Variants in ROBO2 observed in about 807,000 individuals in gnomAD.
ROBO2 encodes roundabout homolog 2.
In ROBO2, 53 loss-of-function variants were observed where a neutral mutation model predicts 160.8. That is an observed-to-expected ratio of 0.33 (90% confidence interval 0.26 to 0.41). The LOEUF (loss-of-function observed/expected upper bound fraction) is 0.41, where lower values mean the gene tolerates loss of function less well. Among genes scored for constraint, ROBO2 ranks in the 10% least tolerant of loss-of-function variants. The probability of loss-of-function intolerance (pLI) is 1.00; values close to 1 mark genes in which losing one functional copy is unlikely to be tolerated. For synonymous variants in ROBO2, 664 were observed against 611.7 expected (o/e 1.09, Z -1.26); for missense variants, 1,577 against 1,722.4 (o/e 0.92, Z 1.49).
At chr3:77,037,577 A>G (rs1578422873), upstream of ROBO2, among the ~76,000 whole-genome samples, 2 of 152,296 alleles carry the variant, frequency 1.3e-5, no homozygotes, top group South Asian at 4.1e-4. Context: ...CTTTCTATGA[A>G]TAGGGCAACA....
intron 2 of ROBO2, among the ~76,000 whole-genome samples, chr3:76,606,147 A>T (rs968457227): frequency 2.0e-5 from 3 of 152,172 alleles, no homozygotes; most frequent in African/African-American, 7.2e-5. Flanking sequence ...TAATTAAAAA[A>T]AAATAAGGGG....
At chr3:77,046,101 C>A (rs962754391) in intron 1 of ROBO2, among the ~76,000 whole-genome samples, 5 of 152,148 alleles carry the variant, frequency 3.3e-5, no homozygotes, top group African/African-American at 7.2e-5. Flanking sequence ...CATATGTCTT[C>A]ATTTAACCTG....
intron 2 of ROBO2, among the ~76,000 whole-genome samples, chr3:77,230,286 G>A (rs966169574): frequency 2.0e-5 from 3 of 151,980 alleles, no homozygotes; most frequent in Non-Finnish European, 4.4e-5. Flanking sequence ...GTCTCACTAT[G>A]TTGCCCAGAT....
At chr3:77,353,477 TAGTC>T (rs945717081) in intron 2 of ROBO2, among the ~76,000 whole-genome samples, 1 of 152,148 alleles carries the variant, frequency 6.6e-6, no homozygotes, top group African/African-American at 2.4e-5. Flanking sequence ...GGTATCTAAT[TAGTC>T]AGTATGCCTC....
chr3:77,153,973 TCTC>T (rs1054983831), intron 2 of ROBO2, among the ~76,000 whole-genome samples: 3 of 152,128 alleles, frequency 2.0e-5, no homozygotes, highest in African/African-American at 7.2e-5. Context: ...TAGAAAACTG[TCTC>T]CTTTCTATAC....
chr3:77,584,139 C>T (rs1390901364), intron 16 of ROBO2, among the ~76,000 whole-genome samples: 5 of 152,122 alleles, frequency 3.3e-5, no homozygotes, highest in African/African-American at 1.2e-4. Context: ...TCTCCACCAT[C>T]TCCCTCTTTC....
intron 20 of ROBO2, among the ~76,000 whole-genome samples, chr3:77,603,287 T>A (rs1334039239): frequency 6.6e-6 from 1 of 151,936 alleles, no homozygotes; most frequent in Non-Finnish European, 1.5e-5. Context: ...TAAAGAAAAA[T>A]TATGCCATTC....
chr3:77,106,390 G>A (rs2072802598), intron 2 of ROBO2, among the ~76,000 whole-genome samples: 1 of 149,986 alleles, frequency 6.7e-6, no homozygotes, highest in Non-Finnish European at 1.5e-5. Context: ...GTGTGTAGAT[G>A]CAAGTTGATT....
intron 2 of ROBO2, among the ~76,000 whole-genome samples, chr3:76,219,358 C>CA (rs1322073360): frequency 6.6e-6 from 1 of 152,108 alleles, no homozygotes; most frequent in Admixed American, 6.5e-5. Flanking sequence ...TTGTGCACAG[C>CA]AAAAGAAACC....
exon 23 of ROBO2, chr3:77,622,351 G>A (rs1451350738): frequency 2.5e-6 from 4 of 1,614,010 alleles, no homozygotes; most frequent in East Asian, 2.2e-5. Flanking sequence ...CGAAGAGGAA[G>A]CTTTAGAAAT....
At chr3:77,211,454 T>A (rs2084142718) in intron 2 of ROBO2, among the ~76,000 whole-genome samples, 1 of 152,360 alleles carries the variant, frequency 6.6e-6, no homozygotes, top group South Asian at 2.1e-4. Flanking sequence ...CTTGTAAATT[T>A]GTTTGAGTTC....
chr3:76,983,882 G>T (rs1253606440), intron 2 of ROBO2, among the ~76,000 whole-genome samples: 5 of 152,314 alleles, frequency 3.3e-5, no homozygotes, highest in Non-Finnish European at 5.9e-5. Context: ...AAATACCCAA[G>T]ACTGGGTAAT....
chr3:76,674,564 G>A (rs1048589342), intron 2 of ROBO2, among the ~76,000 whole-genome samples: 3 of 150,642 alleles, frequency 2.0e-5, no homozygotes, highest in Non-Finnish European at 4.4e-5. Flanking sequence ...TTCTAATAGA[G>A]ACTGTGTTTT....
At chr3:77,334,804 AT>A (rs770304049) in intron 2 of ROBO2, among the ~76,000 whole-genome samples, 5 of 152,174 alleles carry the variant, frequency 3.3e-5, no homozygotes, top group Non-Finnish European at 5.9e-5. Flanking sequence ...ATTAGGCCTT[AT>A]AATTGAGATT....
At chr3:77,075,606 C>T (rs1231501084) in intron 1 of ROBO2, among the ~76,000 whole-genome samples, 1 of 142,192 alleles carries the variant, frequency 7.0e-6, no homozygotes, top group Non-Finnish European at 1.5e-5. Flanking sequence ...ATATATACAA[C>T]AAAATATGCT....
chr3:76,845,105 C>T (rs757270469), intron 2 of ROBO2, among the ~76,000 whole-genome samples: 1 of 151,846 alleles, frequency 6.6e-6, no homozygotes, highest in Non-Finnish European at 1.5e-5. Flanking sequence ...AATCTAATAA[C>T]CTTGGCTAAA....
At chr3:77,454,213 T>G (rs2153565038) in intron 2 of ROBO2, among the ~76,000 whole-genome samples, 1 of 152,242 alleles carries the variant, frequency 6.6e-6, no homozygotes, top group Non-Finnish European at 1.5e-5. Context: ...CACTGATATT[T>G]TAATGGTTAC....
intron 2 of ROBO2, among the ~76,000 whole-genome samples, chr3:75,964,355 A>G (rs930696362): frequency 1.3e-5 from 2 of 151,714 alleles, no homozygotes; most frequent in Non-Finnish European, 2.9e-5. Flanking sequence ...GCTTTTATAT[A>G]GTTCCTTTAA....
At chr3:76,147,546 A>C (rs1033653208) in intron 2 of ROBO2, among the ~76,000 whole-genome samples, 5 of 152,072 alleles carry the variant, frequency 3.3e-5, no homozygotes, top group African/African-American at 1.2e-4. Flanking sequence ...CTTGTGAACC[A>C]TTCAGCAACC....
Sources: allele counts gnomAD v4.1 joint callset (sites outside exome capture counted in the v4.1 genomes callset), GRCh38; gene constraint gnomAD v4.1.1; transcripts MANE v1.5; gene names NCBI Gene and HGNC (gene_info 2026-07-23, HGNC 2026-07-21).